TRAF5: variants seen among roughly 807,000 people sequenced by gnomAD.
The protein encoded by TRAF5 is TNF receptor associated factor 5.
In TRAF5, 48 loss-of-function variants were observed where a neutral mutation model predicts 64.5. The ratio of observed to expected loss-of-function variants is 0.74; its 90% CI spans 0.59 to 0.95. TRAF5 has a LOEUF of 0.95. TRAF5 is among the 40% of genes least tolerant of loss of function. The probability of loss-of-function intolerance (pLI) is 0.00; values close to 1 mark genes in which losing one functional copy is unlikely to be tolerated. For missense variants in TRAF5, 545 were observed against 662.8 expected (o/e 0.82, Z 1.95); for synonymous variants, 206 against 240.5 (o/e 0.86, Z 1.33).
chr1:211,348,099 C>T (rs1702667700), intron 1 of TRAF5, among the ~76,000 whole-genome samples: 1 of 152,178 alleles, frequency 6.6e-6, no homozygotes, highest in East Asian at 1.9e-4. Flanking sequence ...TTTGTACTCT[C>T]CTTTTACAAA....
chr1:211,353,594 C>A, intron 2 of TRAF5, 137 bp downstream of exon 2: 4 of 799,900 alleles, frequency 5.0e-6, no homozygotes, highest in Non-Finnish European at 7.9e-6. Context: ...AAGGACTCTC[C>A]CAGATCCCCT....
intron 8 of TRAF5, 195 bp from the exon 9 acceptor site, chr1:211,369,257 A>C (rs1703445858): frequency 2.3e-6 from 1 of 439,538 alleles, no homozygotes; most frequent in African/African-American, 2.1e-5. Context: ...AATTCTGTAG[A>C]TGTGGCTTTT....
chr1:211,372,627 C>T lies in TRAF5; in HGVS notation c.1599C>T (p.Ala533=), dbSNP rs775965079. ...TGGCTCATTCTGTTTTGGAGAATGC[C>T]AAGAACGCCTACATTAAAGATGACA... ...RFVAHSVLEN[A]KNAYIKDDTL... The change falls in exon 11 of 11, where the codon GCC becomes GCT. Residue 533 remains alanine (A), a synonymous_variant. Coordinates refer to ENST00000261464, the MANE Select transcript of TRAF5 (RefSeq NM_001033910.3). The T allele has an allele frequency of 1.9e-6, 3 of 1,614,140 alleles. No individual in the cohort carries two copies. The highest frequency in any genetic ancestry group is 2.5e-6 in the Non-Finnish European group (3 of 1,180,022).
At chr1:211,365,641 A>G in intron 8 of TRAF5, 173 bp downstream of exon 8, 1 of 524,362 alleles carries the variant, frequency 1.9e-6, no homozygotes, top group Non-Finnish European at 3.3e-6. Flanking sequence ...TTAGAATTGG[A>G]AGGTGCCCTT....
At chr1:211,371,624 C>T (rs755609388) in intron 10 of TRAF5, among the ~76,000 whole-genome samples, 154 bp downstream of exon 10, 3 of 152,100 alleles carry the variant, frequency 2.0e-5, no homozygotes, top group Non-Finnish European at 2.9e-5. Flanking sequence ...AGATTCTGGC[C>T]ACTCAGGCAA....
chr1:211,369,858 G>A (rs566939417), intron 9 of TRAF5, among the ~76,000 whole-genome samples: 109 of 152,198 alleles, frequency 7.2e-4, no homozygotes, highest in African/African-American at 2.5e-3. Flanking sequence ...GTGTGTGCAC[G>A]TGCTCTCTCT....
At chr1:211,361,373 TGTG>T (rs991331915) in intron 7 of TRAF5, among the ~76,000 whole-genome samples, 1 of 152,232 alleles carries the variant, frequency 6.6e-6, no homozygotes, top group African/African-American at 2.4e-5. Flanking sequence ...CTCTTGCAGT[TGTG>T]GGGGCTAGCA....
At position 211,339,508 on chromosome 1, in the gene TRAF5, A is replaced by G. The variant is rs193169205; in HGVS notation, c.-2+12619A>G. ...GAAACCCTTGGGTAGCTGATCCCTT[A>G]AGTCCTTCCAGAGCTGACAGGCTCA... On this transcript the variant is annotated intron_variant, in intron 1 of 10. Transcript: ENST00000261464. Among the ~76,000 whole-genome samples, 13 of 152,242 alleles carry G rather than the reference A, an allele frequency of 8.5e-5. No homozygotes were observed. The East Asian group carries it at 2.5e-3, about 30-fold the overall frequency.
intron 1 of TRAF5, among the ~76,000 whole-genome samples, chr1:211,344,509 G>C (rs1381356065): frequency 6.6e-6 from 1 of 152,152 alleles, no homozygotes; most frequent in Non-Finnish European, 1.5e-5. Flanking sequence ...GGTGTCACCT[G>C]GTCTCTGCAT....
chr1:211,358,464 G>A (rs1310317885), intron 4 of TRAF5: 5 of 144,892 alleles, frequency 3.5e-5, no homozygotes, highest in East Asian at 2.0e-4. Context: ...GTGACGGTGC[G>A]AGACTCTGTC....
At chr1:211,339,626 C>T (rs200390182) in intron 1 of TRAF5, among the ~76,000 whole-genome samples, 5 of 152,198 alleles carry the variant, frequency 3.3e-5, no homozygotes, top group Admixed American at 6.5e-5. Context: ...CTTCTGTTGC[C>T]CTGATCAGGC....
rs990321878 is a variant in TRAF5, at chr1:211,372,566, G to C, written c.1538G>C (p.Gly513Ala). 5 of 1,614,128 alleles carry C rather than the reference G, an allele frequency of 3.1e-6. No individual in the cohort carries two copies. Among genetic ancestry groups the C allele is most frequent in the East Asian group, 2.2e-5 (1 of 44,882 alleles). ...AGCAGCAGCTTTAAAAGACCTGATG[G>C]GGAGATGAACATTGCATCTGGCTGT... ...PNSSSFKRPD[G>A]EMNIASGCPR... The change falls in exon 11 of 11, where the codon GGG becomes GCG. Residue 513 changes from glycine (G) to alanine (A), a missense_variant. Gly to Ala is a moderately conservative substitution (Grantham distance 60). Coordinates refer to ENST00000261464, the MANE Select transcript of TRAF5 (RefSeq NM_001033910.3).
At chr1:211,345,681 C>A (rs938039550) in intron 1 of TRAF5, among the ~76,000 whole-genome samples, 2 of 152,216 alleles carry the variant, frequency 1.3e-5, no homozygotes, top group Non-Finnish European at 2.9e-5. Flanking sequence ...AGGCAGTTGA[C>A]CAACACTGCC....
intron 1 of TRAF5, among the ~76,000 whole-genome samples, chr1:211,347,135 C>T (rs1308134832): frequency 6.6e-6 from 1 of 151,600 alleles, no homozygotes; most frequent in Non-Finnish European, 1.5e-5. Flanking sequence ...CTTTGTTGTT[C>T]CTGTTACGTA....
intron 1 of TRAF5, among the ~76,000 whole-genome samples, chr1:211,332,260 A>G (rs6698113): frequency 0.92 from 140,033 of 152,298 alleles, 64,629 homozygotes; most frequent in Middle Eastern, 0.98. Context: ...ACAGATTTGG[A>G]AAACAAAAAT....
chr1:211,359,447 C>T (rs1185827579), intron 4 of TRAF5: 4 of 152,818 alleles, frequency 2.6e-5, no homozygotes, highest in African/African-American at 9.7e-5. Flanking sequence ...ATGCCCTTCT[C>T]TCCTTTTTTC....
intron 1 of TRAF5, among the ~76,000 whole-genome samples, chr1:211,340,652 CCTTG>C (rs1257405017): frequency 2.0e-5 from 3 of 152,192 alleles, no homozygotes; most frequent in East Asian, 1.9e-4. Flanking sequence ...CTTTCTGGCT[CCTTG>C]CTTCTAGCCC....
At chr1:211,367,149 T>G (rs1459463591) in intron 8 of TRAF5, among the ~76,000 whole-genome samples, 1 of 152,138 alleles carries the variant, frequency 6.6e-6, no homozygotes. Context: ...ACTCGGCTAA[T>G]TTTTGTATTT....
Position 211,340,412 on chromosome 1 carries a change from G to A in TRAF5, c.-1-12827G>A, listed in dbSNP as rs193145522. Among the ~76,000 whole-genome samples, 482 of 152,336 alleles carry A rather than the reference G, an allele frequency of 3.2e-3. 2 individuals are homozygous for A. The highest frequency in any genetic ancestry group is 0.011 in the African/African-American group (465 of 41,562). On this transcript the variant is annotated intron_variant, in intron 1 of 10. Coordinates refer to ENST00000261464, the MANE Select transcript of TRAF5 (RefSeq NM_001033910.3). ...TGATTCTCCTGCCTCAGCCTCCCGA[G>A]TAGCTGGGATTACAGGTGTGCACCA... is the stretch of plus-strand genomic sequence containing the variant.
Sources: allele counts gnomAD v4.1 joint callset (sites outside exome capture counted in the v4.1 genomes callset), GRCh38; gene constraint gnomAD v4.1.1; transcripts MANE v1.5; gene names NCBI Gene and HGNC (gene_info 2026-07-23, HGNC 2026-07-21).